The following GALNT18 variants were observed in gnomAD, a reference collection of about 807,000 sequenced individuals.
GALNT18 encodes polypeptide N-acetylgalactosaminyltransferase 18.
A neutral mutation model predicts 69.5 loss-of-function variants in GALNT18; 44 were observed. The ratio of observed to expected loss-of-function variants is 0.63; its 90% CI spans 0.50 to 0.81. GALNT18 has a LOEUF of 0.81. Among genes scored for constraint, GALNT18 ranks in the 40% least tolerant of loss-of-function variants. The pLI, the probability that GALNT18 is intolerant of heterozygous loss-of-function variation, is 0.00. For missense variants in GALNT18, 715 were observed against 810.0 expected (o/e 0.88, Z 1.42); for synonymous variants, 364 against 318.2 (o/e 1.14, Z -1.53).
chr11:11,373,115 T>A (rs2133678011), intron 5 of GALNT18, among the ~76,000 whole-genome samples: 1 of 152,290 alleles, frequency 6.6e-6, no homozygotes, highest in East Asian at 1.9e-4. Flanking sequence ...GAATTTTATC[T>A]TCAGGTAAAT....
intron 6 of GALNT18, among the ~76,000 whole-genome samples, chr11:11,349,513 C>T (rs1407617936): frequency 1.3e-5 from 2 of 152,166 alleles, no homozygotes; most frequent in Non-Finnish European, 2.9e-5. Context: ...TCCCTCACCG[C>T]AGTTTTAATT....
At position 11,461,802 on chromosome 11, in the gene GALNT18, C is replaced by T. The variant is rs1856049887; in HGVS notation, c.236-12866G>A. Among the ~76,000 whole-genome samples the T allele has an allele frequency of 6.6e-6, 1 of 152,218 alleles. No individual in the cohort carries two copies. Among genetic ancestry groups the T allele is most frequent in the South Asian group, 2.1e-4 (1 of 4,830 alleles). ...AGTGTGGCCCTTGCCAGTAGGACAGCCTGCAGCCCAGAACAATGCCAGACG... is the reference window on the plus strand; with the variant it reads ...AGTGTGGCCCTTGCCAGTAGGACAGTCTGCAGCCCAGAACAATGCCAGACG... On this transcript the variant is annotated intron_variant, in intron 1 of 10. Transcript: ENST00000227756. The surrounding 1 kb of genome is among the most constrained non-coding windows in gnomAD (Gnocchi z 4.1).
intron 1 of GALNT18, among the ~76,000 whole-genome samples, chr11:11,580,332 C>T (rs1027578111): frequency 1.3e-5 from 2 of 152,180 alleles, no homozygotes; most frequent in African/African-American, 4.8e-5. Flanking sequence ...CCCGCCACCC[C>T]CAAAGACTAG....
intron 10 of GALNT18, among the ~76,000 whole-genome samples, chr11:11,273,163 C>T (rs1346774821): frequency 6.6e-6 from 1 of 152,106 alleles, no homozygotes; most frequent in African/African-American, 2.4e-5. Context: ...TTGAGACAGA[C>T]CTCAAAAGCA....
At chr11:11,273,748 T>C (rs1212092155) in intron 10 of GALNT18, among the ~76,000 whole-genome samples, 1 of 152,192 alleles carries the variant, frequency 6.6e-6, no homozygotes, top group Non-Finnish European at 1.5e-5. Context: ...CACTCCCATG[T>C]TTATTGCAGC....
At position 11,430,059 on chromosome 11, in the gene GALNT18, G is replaced by C. The variant is rs1855231534; in HGVS notation, c.595+2562C>G. On this transcript the variant is annotated intron_variant, in intron 3 of 10. Coordinates refer to ENST00000227756, the MANE Select transcript of GALNT18 (RefSeq NM_198516.3). This position sits in a 1 kb window ranked among gnomAD's most constrained non-coding sequence, Gnocchi z 4.9. ...GGAGGCTAAGATGGGAGGATTGCTT[G>C]AGCCTGGGAGCCTGGGAGCTGTGAT... 6.6e-6 allele frequency among the ~76,000 whole-genome samples: 1 copy of C among 152,040 alleles called. No individual in the cohort carries two copies. The highest frequency in any genetic ancestry group is 2.4e-5 in the African/African-American group (1 of 41,402).
At chr11:11,509,651 C>A (rs1352711856) in intron 1 of GALNT18, among the ~76,000 whole-genome samples, 1 of 152,220 alleles carries the variant, frequency 6.6e-6, no homozygotes, top group Non-Finnish European at 1.5e-5. Flanking sequence ...CCTCTCCATG[C>A]CTCCAGTCAT....
At chr11:11,301,176 G>A (rs1370187440) in intron 9 of GALNT18, among the ~76,000 whole-genome samples, 6 of 152,148 alleles carry the variant, frequency 3.9e-5, no homozygotes, top group Non-Finnish European at 8.8e-5. Flanking sequence ...CTGATCAATA[G>A]GTCTGCAGGT....
intron 10 of GALNT18, among the ~76,000 whole-genome samples, chr11:11,288,131 T>A (rs1476172510): frequency 6.6e-6 from 1 of 152,132 alleles, no homozygotes; most frequent in Non-Finnish European, 1.5e-5. Context: ...ATCTACTACT[T>A]AAGAACCTTC....
rs1374996941 is a variant in GALNT18, at chr11:11,541,576, A to G, written c.235+79783T>C. Among the ~76,000 whole-genome samples, 1 of 152,126 alleles carries G rather than the reference A, an allele frequency of 6.6e-6. No homozygotes were observed. The highest frequency in any genetic ancestry group is 1.5e-5 in the Non-Finnish European group (1 of 68,016). On this transcript the variant is annotated intron_variant, in intron 1 of 10. Transcript: ENST00000227756. This position sits in a 1 kb window ranked among gnomAD's most constrained non-coding sequence, Gnocchi z 4.8. ...GTCTTAATCCATTAGTCTGACATAT[A>G]AAGCCTTCCTGGGCTGGCACCCCAG... is the stretch of plus-strand genomic sequence containing the variant.
chr11:11,278,306 T>C (rs11021744), intron 10 of GALNT18, among the ~76,000 whole-genome samples: 18,915 of 150,060 alleles, frequency 0.13, 1,722 homozygotes, highest in Admixed American at 0.28. Context: ...CTGGACCAAG[T>C]TGACCAACGA....
At chr11:11,533,363 C>T (rs888887645) in intron 1 of GALNT18, among the ~76,000 whole-genome samples, 1 of 152,200 alleles carries the variant, frequency 6.6e-6, no homozygotes, top group Admixed American at 6.5e-5. Context: ...GATCCAAACC[C>T]AGGTACCCAG....
At chr11:11,274,496 G>T (rs980483796) in intron 10 of GALNT18, among the ~76,000 whole-genome samples, 1 of 152,212 alleles carries the variant, frequency 6.6e-6, no homozygotes, top group African/African-American at 2.4e-5. Context: ...GGATGCTCAA[G>T]CTTGGTTGGG....
chr11:11,455,976 C>G (rs1365955415), intron 1 of GALNT18, among the ~76,000 whole-genome samples: 1 of 152,140 alleles, frequency 6.6e-6, no homozygotes. Flanking sequence ...GTAGCCCCAG[C>G]TACTCAGGAG....
intron 4 of GALNT18, among the ~76,000 whole-genome samples, chr11:11,378,346 C>G (rs756607863): frequency 6.6e-6 from 1 of 152,192 alleles, no homozygotes; most frequent in Non-Finnish European, 1.5e-5. Context: ...TGGCCACCTA[C>G]TTGCCCCAGC....
rs372579300 is a variant in GALNT18 at position 11,586,989 on chromosome 11, C to CAAATAAATAAATAAAT, written c.235+34354_235+34369dup. Among the ~76,000 whole-genome samples the CAAATAAATAAATAAAT allele has an allele frequency of 5.3e-5, 8 of 151,550 alleles. No individual in the cohort carries two copies. The highest frequency in any genetic ancestry group is 1.7e-4 in the African/African-American group (7 of 41,070). ...GGGAACAAGAGTGAAACCCCATCTCCAAATAAATAAATAAATAAATAAATA... is the reference window on the plus strand; with the variant it reads ...GGGAACAAGAGTGAAACCCCATCTCCAAATAAATAAATAAATAAATAAATAAATAAATAAATAAATA... On this transcript the variant is annotated intron_variant, in intron 1 of 10. Coordinates refer to ENST00000227756, the MANE Select transcript of GALNT18 (RefSeq NM_198516.3). The surrounding 1 kb of genome is among the most constrained non-coding windows in gnomAD (Gnocchi z 4.1).
chr11:11,381,199 A>G (rs1853908656), intron 3 of GALNT18, among the ~76,000 whole-genome samples: 1 of 152,196 alleles, frequency 6.6e-6, no homozygotes, highest in Non-Finnish European at 1.5e-5. Flanking sequence ...TTCTTAAAAC[A>G]TTTACTGTTT....
chr11:11,615,179 C>T (rs1475053565), intron 1 of GALNT18, among the ~76,000 whole-genome samples: 1 of 152,190 alleles, frequency 6.6e-6, no homozygotes, highest in Admixed American at 6.5e-5. Context: ...TCTTCACAAA[C>T]GCTGCCAAGT....
rs761639425 is a variant in GALNT18 at position 11,293,082 on chromosome 11, C to T, written c.1624G>A (p.Glu542Lys). 2.2e-5 allele frequency: 30 copies of T among 1,387,572 alleles called. No individual in the cohort carries two copies. The highest frequency in any genetic ancestry group is 3.9e-5 in the South Asian group (2 of 51,838). The allele number at this position is 1,387,572 out of a possible 1,614,324, so 86.0% of individuals were successfully genotyped here. The part of the protein sequence containing the change: ...VDVNSRPRLI[E>K]CSYAKAKRMK... ...CTCTTGGCTTTGGCGTAGCTGCATTCGATGAGCCGGGGCCGGCTGTTGACG... is the reference window on the plus strand; with the variant it reads ...CTCTTGGCTTTGGCGTAGCTGCATTTGATGAGCCGGGGCCGGCTGTTGACG... The change falls in exon 10 of 11, where the codon GAA (glutamate) becomes AAA (lysine). Residue 542 changes from glutamate to lysine, a missense_variant. Coordinates refer to ENST00000227756, the MANE Select transcript of GALNT18 (RefSeq NM_198516.3).
Sources: allele counts gnomAD v4.1 joint callset (sites outside exome capture counted in the v4.1 genomes callset), GRCh38; gene constraint gnomAD v4.1.1; non-coding constraint Gnocchi (gnomAD v3.1); transcripts MANE v1.5; gene names NCBI Gene and HGNC (gene_info 2026-07-23, HGNC 2026-07-21).